PDE6D: variants seen among roughly 807,000 people sequenced by gnomAD.
PDE6D encodes phosphodiesterase 6D.
In PDE6D, 10 loss-of-function variants were observed where a neutral mutation model predicts 21.9. The observed-to-expected ratio is 0.46, with a 90% CI of 0.28 to 0.78. The LOEUF is 0.78. Ranked by LOEUF, PDE6D falls within the 30% of genes least tolerant of loss-of-function variation. The pLI is 0.12. For missense variants in PDE6D, 139 were observed against 184.8 expected, an observed-to-expected ratio of 0.75 and a Z score of 1.44; for synonymous variants, 59 against 63.5, an observed-to-expected ratio of 0.93 and a Z score of 0.34.
chr2:231,738,736 T>C (rs1370234796), intron 2 of PDE6D, among the ~76,000 whole-genome samples: 8 of 151,450 alleles, frequency 5.3e-5, no homozygotes, highest in African/African-American at 1.9e-4. Flanking sequence ...GCCAACATGG[T>C]GAAACCCCAT....
chr2:231,740,910 G>A (rs1010189995), intron 1 of PDE6D, among the ~76,000 whole-genome samples: 1 of 151,278 alleles, frequency 6.6e-6, no homozygotes, highest in Non-Finnish European at 1.5e-5. Flanking sequence ...AGGCTGAGGC[G>A]GGCGGATCAC....
chr2:231,753,051 T>C (rs2048854459), intron 1 of PDE6D, among the ~76,000 whole-genome samples: 1 of 148,280 alleles, frequency 6.7e-6, no homozygotes, highest in African/African-American at 2.4e-5. Flanking sequence ...CAGGATGGTC[T>C]CAATCTTCTG....
At chr2:231,735,212 A>G (rs1370132656) in intron 4 of PDE6D, among the ~76,000 whole-genome samples, 1 of 145,004 alleles carries the variant, frequency 6.9e-6, no homozygotes, top group Non-Finnish European at 1.5e-5. Flanking sequence ...ACTGCACTCC[A>G]GCCTGGGCAA....
chr2:231,751,365 T>C (rs2048838955), intron 1 of PDE6D, among the ~76,000 whole-genome samples: 1 of 152,228 alleles, frequency 6.6e-6, no homozygotes. Flanking sequence ...CTTACTATGT[T>C]GTCCAGGCTG....
chr2:231,775,050 T>G (rs1169532242), intron 1 of PDE6D, among the ~76,000 whole-genome samples: 2 of 152,076 alleles, frequency 1.3e-5, no homozygotes. Context: ...GCAGCTGGGA[T>G]TACAGGCGTG....
chr2:231,744,596 G>A (rs2048777585), intron 1 of PDE6D, among the ~76,000 whole-genome samples: 2 of 151,966 alleles, frequency 1.3e-5, no homozygotes, highest in South Asian at 4.1e-4. Context: ...ACCATGCCCG[G>A]CTAATTTTGT....
rs541597735 is a variant in PDE6D at position 231,762,999 on chromosome 2, T to C, written c.50+18066A>G. Among the ~76,000 whole-genome samples, 7 of 152,232 alleles carry C rather than the reference T, an allele frequency of 4.6e-5. No homozygotes were observed. The East Asian group carries it at 7.7e-4, about 17-fold the overall frequency. ...AAAGCATTTGGTGGTATGCTCCATA[T>C]TGCAACATGGAAAAATGCACTGGTT... On this transcript the variant is annotated intron_variant, in intron 1 of 4. Transcript: ENST00000287600.
chr2:231,733,967 C>T (rs985954707), intron 4 of PDE6D, among the ~76,000 whole-genome samples: 2 of 152,082 alleles, frequency 1.3e-5, no homozygotes, highest in Non-Finnish European at 2.9e-5. Context: ...AATCCCAGCA[C>T]TTTGGGAGTC....
At chr2:231,758,987 C>T (rs1331288658) in intron 1 of PDE6D, among the ~76,000 whole-genome samples, 1 of 152,008 alleles carries the variant, frequency 6.6e-6, no homozygotes, top group Non-Finnish European at 1.5e-5. Context: ...AGGGGTGGTC[C>T]ACAGTGGATG....
In PDE6D at chr2:231,733,040, G is replaced by T. The variant is rs2048664865; in HGVS notation, c.372-7C>A. 1.9e-6 allele frequency: 3 copies of T among 1,577,184 alleles called. No individual in the cohort carries two copies. In the African/African-American group the frequency reaches 4.0e-5, roughly 21 times the overall value. Reference sequence around the variant, plus strand: ...TTCTATGATAACGTTCCCACTGTAAGTAAGAAGAGAAACAGAGGGCAAAAG... The same window carrying T: ...TTCTATGATAACGTTCCCACTGTAATTAAGAAGAGAAACAGAGGGCAAAAG... On this transcript the variant is annotated splice_polypyrimidine_tract_variant and splice_region_variant and intron_variant, in intron 4 of 4. Transcript: ENST00000287600.
intron 1 of PDE6D, among the ~76,000 whole-genome samples, chr2:231,779,887 C>A (rs544340722): frequency 6.6e-6 from 1 of 152,228 alleles, no homozygotes; most frequent in South Asian, 2.1e-4. Context: ...AATTTGCAAG[C>A]GTGACATGGA....
intron 1 of PDE6D, among the ~76,000 whole-genome samples, chr2:231,764,303 G>A (rs1421314157): frequency 6.6e-6 from 1 of 152,110 alleles, no homozygotes; most frequent in Non-Finnish European, 1.5e-5. Context: ...TTTAATCCCA[G>A]CTACTTGGGA....
At chr2:231,745,820 T>C (rs941304229) in intron 1 of PDE6D, among the ~76,000 whole-genome samples, 4 of 152,090 alleles carry the variant, frequency 2.6e-5, no homozygotes, top group African/African-American at 9.7e-5. Context: ...TGTGACCTGG[T>C]GTGATTTAGG....
chr2:231,754,508 C>G (rs548980421), intron 1 of PDE6D, among the ~76,000 whole-genome samples: 1 of 151,416 alleles, frequency 6.6e-6, no homozygotes, highest in Admixed American at 6.6e-5. Flanking sequence ...AGGCGCCCAC[C>G]ACCATGCCTG....
intron 4 of PDE6D, among the ~76,000 whole-genome samples, chr2:231,735,869 CA>C (rs201517845): frequency 0.014 from 2,008 of 147,148 alleles, 30 homozygotes; most frequent in Non-Finnish European, 0.018. Context: ...ACTAAAAATA[CA>C]AAAAAAAAAT....
At chr2:231,769,026 G>A (rs114980997) in intron 1 of PDE6D, among the ~76,000 whole-genome samples, 1,775 of 152,048 alleles carry the variant, frequency 0.012, 36 homozygotes, top group African/African-American at 0.04. Context: ...ACGCTACCAC[G>A]CCCGGCTCAT....
intron 1 of PDE6D, among the ~76,000 whole-genome samples, chr2:231,750,251 T>C (rs1249359417): frequency 6.6e-6 from 1 of 152,158 alleles, no homozygotes; most frequent in Non-Finnish European, 1.5e-5. Context: ...ATTAAACCTT[T>C]TTCCCCCGTT....
intron 1 of PDE6D, among the ~76,000 whole-genome samples, chr2:231,777,927 G>C (rs1278155861): frequency 6.6e-6 from 1 of 152,188 alleles, no homozygotes; most frequent in Non-Finnish European, 1.5e-5. Flanking sequence ...GGATAAGAAA[G>C]ATCTTTTTAA....
At chr2:231,762,533 C>T (rs2048939688) in intron 1 of PDE6D, among the ~76,000 whole-genome samples, 1 of 151,768 alleles carries the variant, frequency 6.6e-6, no homozygotes, top group East Asian at 1.9e-4. Context: ...TTAGTAAGGA[C>T]AAGGTTTCAC....
Sources: allele counts gnomAD v4.1 joint callset (sites outside exome capture counted in the v4.1 genomes callset), GRCh38; gene constraint gnomAD v4.1.1; transcripts MANE v1.5; gene names NCBI Gene and HGNC (gene_info 2026-07-23, HGNC 2026-07-21).